The following FEZ1 variants were observed in gnomAD, a reference collection of about 807,000 sequenced individuals.
FEZ1 encodes fasciculation and elongation protein zeta-1.
FEZ1 carries 20 observed loss-of-function variants against 49.3 expected under a neutral mutation model. That is an observed-to-expected ratio of 0.41 (90% CI 0.29 to 0.59). FEZ1 has a LOEUF of 0.59. Ranked by LOEUF, FEZ1 falls within the 20% of genes least tolerant of loss-of-function variation. FEZ1 has a pLI of 0.36. For synonymous variants in FEZ1, 170 were observed against 180.9 expected (o/e 0.94, Z 0.48); for missense variants, 413 against 476.0 (o/e 0.87, Z 1.23).
chr11:125,450,735 A>G (rs1303380104), intron 8 of FEZ1, among the ~76,000 whole-genome samples: 4 of 152,252 alleles, frequency 2.6e-5, no homozygotes, highest in Non-Finnish European at 5.9e-5. Flanking sequence ...TAAAAAGAAC[A>G]TTAACAAAGT....
At chr11:125,475,388 A>G (rs1815901029) in intron 3 of FEZ1, among the ~76,000 whole-genome samples, 2 of 152,194 alleles carry the variant, frequency 1.3e-5, no homozygotes, top group African/African-American at 2.4e-5. Context: ...GAAATAAGGT[A>G]TCAATTTTGT....
intron 5 of FEZ1, among the ~76,000 whole-genome samples, chr11:125,457,974 A>C (rs1440899271): frequency 1.3e-5 from 2 of 151,826 alleles, no homozygotes; most frequent in Admixed American, 1.3e-4. Context: ...TTCACTCTGC[A>C]TTTCAGCTGT....
chr11:125,446,563 C>T (rs778522223), intron 9 of FEZ1, among the ~76,000 whole-genome samples: 1 of 152,226 alleles, frequency 6.6e-6, no homozygotes, highest in Non-Finnish European at 1.5e-5. Flanking sequence ...CTATAATCCT[C>T]CTTTGAGAAC....
chr11:125,474,197 T>G (rs1471817355), intron 3 of FEZ1, among the ~76,000 whole-genome samples: 2 of 149,666 alleles, frequency 1.3e-5, no homozygotes, highest in African/African-American at 2.5e-5. Context: ...GCTAATTTTT[T>G]TTTTTTTTTT....
At chr11:125,493,398 GAAA>G (rs1565306844) in intron 1 of FEZ1, among the ~76,000 whole-genome samples, 3 of 63,764 alleles carry the variant, frequency 4.7e-5, no homozygotes, top group Admixed American at 1.9e-4. Context: ...AAGAAAGAAA[GAAA>G]GAAAGAAAGA....
chr11:125,469,844 T>C (rs1957168049), intron 3 of FEZ1, among the ~76,000 whole-genome samples: 1 of 151,902 alleles, frequency 6.6e-6, no homozygotes, highest in African/African-American at 2.4e-5. Flanking sequence ...TCCCAAGTAG[T>C]TGGGACTGCA....
intron 3 of FEZ1, among the ~76,000 whole-genome samples, chr11:125,474,595 A>T (rs543779837): frequency 1.6e-4 from 25 of 152,216 alleles, no homozygotes; most frequent in Non-Finnish European, 2.6e-4. Context: ...TAGAATTTAT[A>T]AGAAACTCTT....
chr11:125,449,559 A>G (rs1003319774), intron 8 of FEZ1, among the ~76,000 whole-genome samples: 1 of 151,838 alleles, frequency 6.6e-6, no homozygotes, highest in African/African-American at 2.4e-5. Flanking sequence ...ATGTTCATAG[A>G]AAAAAAATCT....
chr11:125,461,546 G>A (rs1227790930), intron 4 of FEZ1, among the ~76,000 whole-genome samples: 3 of 152,198 alleles, frequency 2.0e-5, no homozygotes, highest in Non-Finnish European at 2.9e-5. Flanking sequence ...GGTAGAGGTT[G>A]CAGTGAACCG....
chr11:125,491,733 C>T (rs1160373875), intron 1 of FEZ1, among the ~76,000 whole-genome samples: 1 of 152,238 alleles, frequency 6.6e-6, no homozygotes, highest in African/African-American at 2.4e-5. Flanking sequence ...GGCAAGAACA[C>T]TGCCAGTTTG....
intron 1 of FEZ1, among the ~76,000 whole-genome samples, chr11:125,493,012 G>T (rs1450056715): frequency 6.6e-6 from 1 of 150,452 alleles, no homozygotes; most frequent in Non-Finnish European, 1.5e-5. Context: ...AGGAAAACCA[G>T]GATAGCTAAC....
intron 2 of FEZ1, among the ~76,000 whole-genome samples, chr11:125,485,589 C>T (rs1477432715): frequency 6.6e-6 from 1 of 152,158 alleles, no homozygotes; most frequent in East Asian, 1.9e-4. Flanking sequence ...TGCCAATATC[C>T]ACACCCAAAT....
At chr11:125,477,139 G>A (rs1957239756) in intron 3 of FEZ1, among the ~76,000 whole-genome samples, 2 of 152,088 alleles carry the variant, frequency 1.3e-5, no homozygotes, top group African/African-American at 4.8e-5. Flanking sequence ...TTAATTTTCT[G>A]AAAATTATGA....
chr11:125,490,282 A>T (rs1279387941), intron 1 of FEZ1, among the ~76,000 whole-genome samples: 1 of 152,240 alleles, frequency 6.6e-6, no homozygotes, highest in Non-Finnish European at 1.5e-5. Flanking sequence ...GCAAAATGTG[A>T]CATGATCTAA....
chr11:125,472,607 T>C (rs1957193360), intron 3 of FEZ1, among the ~76,000 whole-genome samples: 2 of 152,052 alleles, frequency 1.3e-5, no homozygotes, highest in African/African-American at 4.8e-5. Context: ...TAGGCCCAGA[T>C]GCTTTCACTA....
intron 3 of FEZ1, among the ~76,000 whole-genome samples, chr11:125,465,449 C>G (rs138591225): frequency 6.6e-6 from 1 of 152,176 alleles, no homozygotes; most frequent in Middle Eastern, 3.4e-3. Flanking sequence ...GGGCTGTGGC[C>G]GGAATGATGC....
chr11:125,480,034 G>A (rs1050870413), intron 3 of FEZ1, among the ~76,000 whole-genome samples: 1 of 152,102 alleles, frequency 6.6e-6, no homozygotes, highest in African/African-American at 2.4e-5. Flanking sequence ...GTAACTCATG[G>A]AGTGTGACTC....
intron 2 of FEZ1, among the ~76,000 whole-genome samples, chr11:125,481,959 G>A (rs1957283804): frequency 6.6e-6 from 1 of 152,054 alleles, no homozygotes; most frequent in Non-Finnish European, 1.5e-5. Context: ...CATCCAAATA[G>A]CTCATGTTTC....
Position 125,452,385 on chromosome 11 carries a change from C to T in FEZ1, c.1045G>A (p.Glu349Lys), listed in dbSNP as rs762054096. The T allele has an allele frequency of 1.4e-5, 22 of 1,612,872 alleles. No individual in the cohort carries two copies. Among genetic ancestry groups the T allele is most frequent in the African/African-American group, 4.0e-5 (3 of 74,882 alleles). ...KQYLNTVIPY[E>K]KKASPPSVED... ...ACTGAGGGAGGAGAGGCTTTCTTCT[C>T]GTAAGGAATGACTGTGTTCAGATAC... The change falls in exon 8 of 10, where the codon GAG becomes AAG. Residue 349 changes from glutamate (E) to lysine (K), a missense_variant. Coordinates refer to ENST00000278919, the MANE Select transcript of FEZ1 (RefSeq NM_005103.5).
Sources: gnomAD v4.1 joint callset for allele counts (sites outside exome capture counted in the v4.1 genomes callset) on GRCh38, gnomAD v4.1.1 for gene constraint, MANE v1.5 for transcripts, NCBI Gene and HGNC (gene_info 2026-07-23, HGNC 2026-07-21) for gene names.